The following RALGAPA2 variants were observed in gnomAD, a reference collection of about 807,000 sequenced individuals.
RALGAPA2 encodes ral GTPase-activating protein subunit alpha-2.
A neutral mutation model predicts 230.4 loss-of-function variants in RALGAPA2; 139 were observed. The observed-to-expected ratio is 0.60, with a 90% confidence interval of 0.53 to 0.69. The LOEUF (loss-of-function observed/expected upper bound fraction) is 0.69. RALGAPA2 is among the 30% of genes least tolerant of loss of function. The pLI, the probability that RALGAPA2 is intolerant of heterozygous loss-of-function variation, is 0.00. For missense variants in RALGAPA2, 2,163 were observed against 2,276.0 expected (o/e 0.95, Z 1.01); for synonymous variants, 847 against 837.8 (o/e 1.01, Z -0.19).
In RALGAPA2 at chr20:20,639,903, G is replaced by A. The variant is rs2066976652; in HGVS notation, c.551-3C>T. 1 of 1,586,752 alleles carries A rather than the reference G, an allele frequency of 6.3e-7. No homozygotes were observed. The highest frequency in any genetic ancestry group is 1.1e-5 in the South Asian group (1 of 89,978). On this transcript the variant is annotated splice_region_variant and splice_polypyrimidine_tract_variant and intron_variant, in intron 6 of 39. Coordinates refer to ENST00000202677, the MANE Select transcript of RALGAPA2 (RefSeq NM_020343.4). ...GATTTCTTCTGGATATATCTTTACTGAAAGGACAGAAAATGATGACAGCTC... is the reference window on the plus strand; with the variant it reads ...GATTTCTTCTGGATATATCTTTACTAAAAGGACAGAAAATGATGACAGCTC...
chr20:20,495,137 C>T lies in RALGAPA2; in HGVS notation c.5347G>A (p.Ala1783Thr), dbSNP rs372701521. 101 of 1,605,252 alleles carry T rather than the reference C, an allele frequency of 6.3e-5. No individual in the cohort carries two copies. The highest frequency in any genetic ancestry group is 4.7e-4 in the Admixed American group (28 of 59,804). Residue 1783 changes from alanine to threonine, a missense_variant, in exon 36 of 40, where the codon GCG (alanine) becomes ACG (threonine). Ala to Thr is a moderately conservative substitution (Grantham distance 58). Transcript: ENST00000202677. Reference sequence around the variant, plus strand: ...CGTACCTCAGGTTTCTTCGTTATCGCGATGAAGAACATGTGATTCTTCATT... The same window carrying T: ...CGTACCTCAGGTTTCTTCGTTATCGTGATGAAGAACATGTGATTCTTCATT... ...YPMKNHMFFI[A>T]ITKKPEVPFF...
chr20:20,711,682 T>A (rs1451949538), intron 1 of RALGAPA2, among the ~76,000 whole-genome samples: 1 of 151,844 alleles, frequency 6.6e-6, no homozygotes, highest in Non-Finnish European at 1.5e-5. Context: ...ATGCCGGTAA[T>A]AAAGGAGAAG....
chr20:20,676,102 G>T (rs1337303860), intron 3 of RALGAPA2, 134 bp downstream of exon 3: 4 of 588,858 alleles, frequency 6.8e-6, no homozygotes, highest in Non-Finnish European at 8.8e-6. Flanking sequence ...TGGGAGGGTG[G>T]GAGGAAGGAA....
intron 37 of RALGAPA2, among the ~76,000 whole-genome samples, chr20:20,426,313 G>A (rs943684870): frequency 6.6e-6 from 1 of 152,148 alleles, no homozygotes; most frequent in Admixed American, 6.5e-5. Context: ...AAATTCCCAG[G>A]GGCTGCTGGA....
At chr20:20,484,949 AGCTTGTGCAACCCATG>A (rs2061870442) in intron 36 of RALGAPA2, among the ~76,000 whole-genome samples, 1 of 152,224 alleles carries the variant, frequency 6.6e-6, no homozygotes, top group African/African-American at 2.4e-5. Context: ...CTGTAGCTTA[AGCTTGTGCAACCCATG>A]GCCTGTGGGC....
At chr20:20,508,233 T>C (rs1208269546) in intron 33 of RALGAPA2, among the ~76,000 whole-genome samples, 1 of 152,212 alleles carries the variant, frequency 6.6e-6, no homozygotes, top group East Asian at 1.9e-4. Context: ...AGAAGCTGTG[T>C]CTGGCCTTAT....
chr20:20,584,849 A>G lies in RALGAPA2; in HGVS notation c.2530+16T>C. The G allele has an allele frequency of 6.4e-7, 1 of 1,565,014 alleles. No homozygotes were observed. Among genetic ancestry groups the G allele is most frequent in the Non-Finnish European group, 8.8e-7 (1 of 1,138,060 alleles). ...CAACTCTGTAGTTGGAGGAACAGACATTTCCCGGAACTTACTCTTCTGTCT... is the reference window on the plus strand; with the variant it reads ...CAACTCTGTAGTTGGAGGAACAGACGTTTCCCGGAACTTACTCTTCTGTCT... On this transcript the variant is annotated intron_variant, in intron 19 of 39. Coordinates refer to ENST00000202677, the MANE Select transcript of RALGAPA2 (RefSeq NM_020343.4).
At chr20:20,567,599 G>A (rs1330961535) in intron 23 of RALGAPA2, among the ~76,000 whole-genome samples, 3 of 152,192 alleles carry the variant, frequency 2.0e-5, no homozygotes, top group Non-Finnish European at 4.4e-5. Flanking sequence ...CATACCTGGT[G>A]GAATAAGCCA....
intron 37 of RALGAPA2, among the ~76,000 whole-genome samples, chr20:20,447,237 G>A (rs576573813): frequency 2.0e-5 from 3 of 152,294 alleles, no homozygotes; most frequent in African/African-American, 7.2e-5. Flanking sequence ...CAAGCAATTC[G>A]AAAGTTTCCC....
intron 31 of RALGAPA2, among the ~76,000 whole-genome samples, chr20:20,520,204 A>G (rs1057335619): frequency 2.0e-5 from 3 of 152,128 alleles, no homozygotes; most frequent in South Asian, 2.1e-4. Flanking sequence ...TAATCCATCT[A>G]TATTACTCAG....
chr20:20,651,084 C>T (rs1001358697), intron 4 of RALGAPA2, among the ~76,000 whole-genome samples: 1 of 152,136 alleles, frequency 6.6e-6, no homozygotes, highest in Non-Finnish European at 1.5e-5. Flanking sequence ...TTAGTTGGGG[C>T]CGGGAGGAGA....
At chr20:20,648,399 G>T (rs2067287850) in intron 4 of RALGAPA2, among the ~76,000 whole-genome samples, 1 of 151,886 alleles carries the variant, frequency 6.6e-6, no homozygotes, top group Non-Finnish European at 1.5e-5. Flanking sequence ...GGAAACTTTC[G>T]GGGGTAGTAC....
intron 2 of RALGAPA2, among the ~76,000 whole-genome samples, chr20:20,678,844 C>T (rs2068426364): frequency 6.6e-6 from 1 of 152,048 alleles, no homozygotes; most frequent in Non-Finnish European, 1.5e-5. Context: ...CCTTTCTCTC[C>T]GCACTCACTA....
chr20:20,605,627 C>A (rs6046956), intron 14 of RALGAPA2, among the ~76,000 whole-genome samples: 7,188 of 152,208 alleles, frequency 0.047, 231 homozygotes, highest in African/African-American at 0.086. Context: ...AACAAAGTTA[C>A]TGATTCAATA....
intron 37 of RALGAPA2, among the ~76,000 whole-genome samples, chr20:20,418,527 A>T (rs6046844): frequency 0.66 from 100,641 of 152,022 alleles, 33,458 homozygotes; most frequent in African/African-American, 0.74. Flanking sequence ...GTTCAGAATG[A>T]TTATAACATG....
At chr20:20,607,467 A>G (rs1468196759) in intron 14 of RALGAPA2, among the ~76,000 whole-genome samples, 1 of 148,900 alleles carries the variant, frequency 6.7e-6, no homozygotes, top group African/African-American at 2.6e-5. Flanking sequence ...GAAAGAAAAT[A>G]AAATAATTTT....
At chr20:20,576,618 A>G (rs183641655) in intron 20 of RALGAPA2, among the ~76,000 whole-genome samples, 1 of 152,174 alleles carries the variant, frequency 6.6e-6, no homozygotes. Context: ...GTCTCTAATT[A>G]TGTTTTTTTC....
intron 9 of RALGAPA2, 105 bp downstream of exon 9, chr20:20,635,313 A>G: frequency 8.0e-7 from 1 of 1,257,180 alleles, no homozygotes; most frequent in African/African-American, 1.5e-5. Flanking sequence ...CCTATAACCA[A>G]CAACTTGTAA....
rs1024790382 is a variant in RALGAPA2, at chr20:20,398,540, CA to C, written c.5618-1807del. Among the ~76,000 whole-genome samples, 3 of 152,130 alleles carry C rather than the reference CA, an allele frequency of 2.0e-5. No homozygotes were observed. Among genetic ancestry groups the C allele is most frequent in the African/African-American group, 7.2e-5 (3 of 41,440 alleles). On this transcript the variant is annotated intron_variant, in intron 38 of 39. Coordinates refer to ENST00000202677, the MANE Select transcript of RALGAPA2 (RefSeq NM_020343.4). This position sits in a 1 kb window ranked among gnomAD's most constrained non-coding sequence, Gnocchi z 4.5. ...TGCCCTTGACACACGGCGGTGCTCC[CA>C]AAGGGTGGGGTTCCAGTCGTGGAGC... is the stretch of plus-strand genomic sequence containing the variant.
Sources: gnomAD v4.1 joint callset for allele counts (sites outside exome capture counted in the v4.1 genomes callset) on GRCh38, gnomAD v4.1.1 for gene constraint, Gnocchi (gnomAD v3.1) non-coding constraint, MANE v1.5 for transcripts, NCBI Gene and HGNC (gene_info 2026-07-23, HGNC 2026-07-21) for gene names.